The following DGKB variants were observed in gnomAD, a reference collection of about 807,000 sequenced individuals.
DGKB encodes the protein diacylglycerol kinase beta, also known as 90 kDa diacylglycerol kinase.
Under a neutral mutation model 114.3 loss-of-function variants are expected in DGKB, and 67 were observed. The ratio of observed to expected loss-of-function variants is 0.59; its 90% CI spans 0.48 to 0.72. The LOEUF (loss-of-function observed/expected upper bound fraction) is 0.72, where lower values mean the gene tolerates loss of function less well. Ranked by LOEUF, DGKB falls within the 30% of genes least tolerant of loss-of-function variation. The probability of loss-of-function intolerance (pLI) is 0.00; values close to 1 mark genes in which losing one functional copy is unlikely to be tolerated. For synonymous variants in DGKB, 398 were observed against 323.1 expected (o/e 1.23, Z -2.49); for missense variants, 907 against 975.2 (o/e 0.93, Z 0.93).
At chr7:14,843,110 G>A (rs1346842225) in intron 1 of DGKB, among the ~76,000 whole-genome samples, 2 of 151,910 alleles carry the variant, frequency 1.3e-5, no homozygotes, top group Non-Finnish European at 2.9e-5. Flanking sequence ...GGGAATAGTG[G>A]GGGAGCTGAG....
intron 20 of DGKB, among the ~76,000 whole-genome samples, chr7:14,496,891 T>C (rs1416904776): frequency 6.6e-6 from 1 of 151,796 alleles, no homozygotes; most frequent in Non-Finnish European, 1.5e-5. Context: ...AAGGATATAT[T>C]TCTAAAAATT....
intron 12 of DGKB, among the ~76,000 whole-genome samples, chr7:14,677,721 GGGATATTAA>G (rs1156958273): frequency 1.3e-5 from 2 of 151,940 alleles, no homozygotes; most frequent in Non-Finnish European, 2.9e-5. Flanking sequence ...TATAAGCAGT[GGGATATTAA>G]GGATGTTAGT....
intron 21 of DGKB, among the ~76,000 whole-genome samples, chr7:14,386,553 C>A (rs2128696240): frequency 6.6e-6 from 1 of 152,242 alleles, no homozygotes; most frequent in Non-Finnish European, 1.5e-5. Flanking sequence ...CTACCATGTG[C>A]CAGTTGCTGA....
At chr7:14,701,117 T>G (rs1213268344) in intron 7 of DGKB, among the ~76,000 whole-genome samples, 1 of 152,182 alleles carries the variant, frequency 6.6e-6, no homozygotes, top group Non-Finnish European at 1.5e-5. Flanking sequence ...TTCTTATTTT[T>G]TATGACTATA....
chr7:14,363,228 G>C (rs1816066113), intron 21 of DGKB, among the ~76,000 whole-genome samples: 1 of 152,128 alleles, frequency 6.6e-6, no homozygotes, highest in South Asian at 2.1e-4. Flanking sequence ...AGTCTGGTGT[G>C]CTAAGAACAA....
intron 23 of DGKB, among the ~76,000 whole-genome samples, chr7:14,201,221 C>T (rs1331573625): frequency 1.3e-5 from 2 of 151,814 alleles, no homozygotes; most frequent in Non-Finnish European, 2.9e-5. Context: ...TTGTGTGGTC[C>T]CTTTTTATAC....
chr7:14,300,169 TAAAG>T (rs913074986), intron 23 of DGKB, among the ~76,000 whole-genome samples: 5 of 152,160 alleles, frequency 3.3e-5, no homozygotes. Flanking sequence ...CTACGTTACA[TAAAG>T]AGTTTCTTTA....
intron 20 of DGKB, among the ~76,000 whole-genome samples, chr7:14,533,714 T>C (rs1189897880): frequency 6.6e-6 from 1 of 151,926 alleles, no homozygotes; most frequent in African/African-American, 2.4e-5. Context: ...ACCTATAAAC[T>C]ATCAGCAGAT....
intron 4 of DGKB, among the ~76,000 whole-genome samples, chr7:14,752,251 C>T (rs1310357213): frequency 2.0e-5 from 3 of 152,082 alleles, no homozygotes; most frequent in Non-Finnish European, 4.4e-5. Flanking sequence ...ATATCAGTGT[C>T]ATTATCCTTG....
chr7:14,938,132 A>C (rs1380454849), intron 1 of DGKB, among the ~76,000 whole-genome samples: 3 of 152,218 alleles, frequency 2.0e-5, no homozygotes, highest in Non-Finnish European at 4.4e-5. Flanking sequence ...AAGCAGGTAC[A>C]CATCTCTGTG....
At chr7:14,599,972 C>T (rs900758254) in intron 17 of DGKB, among the ~76,000 whole-genome samples, 1 of 152,026 alleles carries the variant, frequency 6.6e-6, no homozygotes, top group African/African-American at 2.4e-5. Context: ...AAACAGATTA[C>T]TTTAGTTCAT....
intron 23 of DGKB, among the ~76,000 whole-genome samples, chr7:14,292,779 G>A (rs1193996392): frequency 3.3e-5 from 5 of 152,152 alleles, no homozygotes; most frequent in African/African-American, 7.2e-5. Context: ...GAAATGAGAG[G>A]CTTCTGTTTT....
intron 1 of DGKB, among the ~76,000 whole-genome samples, chr7:14,878,757 A>AAAC (rs1554325424): frequency 1.6e-4 from 23 of 146,278 alleles, no homozygotes; most frequent in Non-Finnish European, 2.9e-4. Flanking sequence ...TCAAAAAACA[A>AAAC]AAAAAAAAAA....
intron 4 of DGKB, among the ~76,000 whole-genome samples, chr7:14,738,213 T>C (rs1832034436): frequency 6.6e-6 from 1 of 152,234 alleles, no homozygotes; most frequent in Non-Finnish European, 1.5e-5. Context: ...CTTCAACATG[T>C]ATGAAGGCCC....
rs190255569 is a variant in DGKB, at chr7:14,637,379, T to C, written c.1135-7111A>G. On this transcript the variant is annotated intron_variant, in intron 13 of 25. Coordinates refer to ENST00000402815, the MANE Select transcript of DGKB (RefSeq NM_001350709.2). The stretch of plus-strand genomic sequence containing the variant: ...CTTTTATAAGTAGACATGCACCACT[T>C]TGTAATGGAAATTCTGCATGAGTAT... 2.3e-3 allele frequency among the ~76,000 whole-genome samples: 353 copies of C among 152,010 alleles called. 1 individual carries two copies. Among genetic ancestry groups the C allele is most frequent in the African/African-American group, 7.8e-3 (326 of 41,550 alleles).
At chr7:14,349,024 A>C (rs1812968722) in intron 21 of DGKB, among the ~76,000 whole-genome samples, 1 of 152,076 alleles carries the variant, frequency 6.6e-6, no homozygotes, top group Non-Finnish European at 1.5e-5. Flanking sequence ...GACATCGTGA[A>C]CTTTGTTTTA....
intron 21 of DGKB, among the ~76,000 whole-genome samples, chr7:14,413,128 A>T (rs1563130502): frequency 6.6e-6 from 1 of 152,272 alleles, no homozygotes; most frequent in East Asian, 1.9e-4. Context: ...AACTAAAGTG[A>T]TATAGCAATG....
At chr7:14,869,973 CCT>C (rs1439026443) in intron 1 of DGKB, among the ~76,000 whole-genome samples, 5 of 152,026 alleles carry the variant, frequency 3.3e-5, no homozygotes, top group African/African-American at 1.2e-4. Context: ...ACTTCTCCAA[CCT>C]CTCTATTTTA....
chr7:14,253,608 C>T (rs115252171), intron 23 of DGKB, among the ~76,000 whole-genome samples: 247 of 152,298 alleles, frequency 1.6e-3, no homozygotes, highest in African/African-American at 5.6e-3. Flanking sequence ...TTAAGTTTAT[C>T]TTACCCTCAG....
Sources: allele counts gnomAD v4.1 joint callset (sites outside exome capture counted in the v4.1 genomes callset), GRCh38; gene constraint gnomAD v4.1.1; transcripts MANE v1.5; gene names NCBI Gene and HGNC (gene_info 2026-07-23, HGNC 2026-07-21).